SPTLC3: variants seen among roughly 807,000 people sequenced by gnomAD.
SPTLC3 encodes the protein serine palmitoyltransferase long chain base subunit 3.
A neutral mutation model predicts 59.3 loss-of-function variants in SPTLC3; 36 were observed. The ratio of observed to expected loss-of-function variants is 0.61; its 90% CI spans 0.47 to 0.80. SPTLC3 has a LOEUF of 0.80. Among genes scored for constraint, SPTLC3 ranks in the 30% least tolerant of loss-of-function variants. The pLI is 0.00. For missense variants in SPTLC3, 625 were observed against 685.1 expected (o/e 0.91, Z 0.98); for synonymous variants, 257 against 240.8 (o/e 1.07, Z -0.62).
At chr20:13,062,406 C>CTG (rs1988010262) in intron 2 of SPTLC3, among the ~76,000 whole-genome samples, 1 of 152,136 alleles carries the variant, frequency 6.6e-6, no homozygotes, top group Admixed American at 6.5e-5. Context: ...AGTGAATACT[C>CTG]AACAGAGACC....
chr20:13,093,622 G>A (rs1314831875), intron 6 of SPTLC3, 45 bp downstream of exon 6: 1 of 1,559,436 alleles, frequency 6.4e-7, no homozygotes, highest in African/African-American at 1.4e-5. Flanking sequence ...ATTGCTCCTA[G>A]AAGAAAGTAA....
rs1343486008 is a variant in SPTLC3 at position 13,049,173 on chromosome 20, C to T, written c.303+43C>T. The stretch of plus-strand genomic sequence containing the variant: ...CCTGGATCTTTGTCAATGCCTACTC[C>T]TCTCTAAAGTGTTCTCAGAAGTGGT... On this transcript the variant is annotated intron_variant, in intron 2 of 11. Transcript: ENST00000399002. 3.1e-6 allele frequency: 5 copies of T among 1,596,606 alleles called. No homozygotes were observed. In the African/African-American group the frequency reaches 5.4e-5, roughly 17 times the overall value.
chr20:13,068,491 G>A (rs1369394113), intron 2 of SPTLC3, among the ~76,000 whole-genome samples: 6 of 152,152 alleles, frequency 3.9e-5, no homozygotes, highest in Non-Finnish European at 8.8e-5. Flanking sequence ...TTTGGAAGGC[G>A]TTGGCTGCTC....
At chr20:13,088,097 G>A (rs1391595214) in intron 4 of SPTLC3, among the ~76,000 whole-genome samples, 2 of 152,256 alleles carry the variant, frequency 1.3e-5, no homozygotes, top group South Asian at 2.1e-4. Context: ...CCTTTTCACT[G>A]TCTGTTCTTG....
chr20:13,020,599 C>T (rs1239067072), intron 1 of SPTLC3, among the ~76,000 whole-genome samples: 1 of 152,088 alleles, frequency 6.6e-6, no homozygotes, highest in East Asian at 1.9e-4. Flanking sequence ...TGCTGTAAAA[C>T]TATTTTTATA....
intron 8 of SPTLC3, among the ~76,000 whole-genome samples, chr20:13,122,630 T>C (rs78451644): frequency 0.033 from 5,093 of 152,318 alleles, 162 homozygotes; most frequent in African/African-American, 0.086. Context: ...AGTACCTACC[T>C]TAAAGAGTTA....
At chr20:13,069,542 C>G (rs1004931612) in intron 2 of SPTLC3, among the ~76,000 whole-genome samples, 8 of 152,154 alleles carry the variant, frequency 5.3e-5, no homozygotes, top group African/African-American at 1.9e-4. Flanking sequence ...GATTTGCACT[C>G]CTATGAGAAT....
chr20:13,051,994 T>TC (rs1987512171), intron 2 of SPTLC3, among the ~76,000 whole-genome samples: 1 of 151,946 alleles, frequency 6.6e-6, no homozygotes, highest in Non-Finnish European at 1.5e-5. Flanking sequence ...AAATAGACAC[T>TC]GTAAGGCCAC....
chr20:13,093,719 G>C, intron 6 of SPTLC3, 142 bp downstream of exon 6: 1 of 690,726 alleles, frequency 1.4e-6, no homozygotes, highest in Non-Finnish European at 2.3e-6. Flanking sequence ...CTCCTGGCTT[G>C]TTAACCTCTG....
chr20:13,053,373 CA>C (rs1016716301), intron 2 of SPTLC3, among the ~76,000 whole-genome samples: 1 of 152,036 alleles, frequency 6.6e-6, no homozygotes, highest in African/African-American at 2.4e-5. Flanking sequence ...GACGTCCACA[CA>C]AAAACCCCAT....
rs1987886129 is a variant in SPTLC3 at position 13,059,955 on chromosome 20, A to G, written c.303+10825A>G. On this transcript the variant is annotated intron_variant, in intron 2 of 11. Transcript: ENST00000399002. ...AGATAGCCCTTGGTGCTGCCTGCCTATCACTCTGTTACTTAGGGCCTCTAG... is the reference window on the plus strand; with the variant it reads ...AGATAGCCCTTGGTGCTGCCTGCCTGTCACTCTGTTACTTAGGGCCTCTAG... Among the ~76,000 whole-genome samples, 3 of 151,982 alleles carry G rather than the reference A, an allele frequency of 2.0e-5. No individual in the cohort carries two copies. The South Asian group carries it at 6.2e-4, about 32-fold the overall frequency.
intron 1 of SPTLC3, among the ~76,000 whole-genome samples, chr20:13,037,655 A>G (rs138035073): frequency 6.6e-6 from 1 of 152,322 alleles, no homozygotes; most frequent in African/African-American, 2.4e-5. Flanking sequence ...ATCTCCTACA[A>G]CAGAACATTC....
At chr20:13,059,516 C>T (rs1987866933) in intron 2 of SPTLC3, among the ~76,000 whole-genome samples, 1 of 152,232 alleles carries the variant, frequency 6.6e-6, no homozygotes. Context: ...TGTCTATCCC[C>T]TTTCACATGC....
At chr20:13,121,373 C>A (rs146930642) in intron 8 of SPTLC3, among the ~76,000 whole-genome samples, 10 of 152,300 alleles carry the variant, frequency 6.6e-5, no homozygotes, top group African/African-American at 2.4e-4. Flanking sequence ...GAGCTCTGCC[C>A]TGCACACTAG....
At chr20:13,067,231 C>G (rs2122556008) in intron 2 of SPTLC3, among the ~76,000 whole-genome samples, 1 of 152,004 alleles carries the variant, frequency 6.6e-6, no homozygotes, top group Middle Eastern at 3.4e-3. Context: ...TTTCCCTCTT[C>G]TTCCTGTTGC....
intron 1 of SPTLC3, among the ~76,000 whole-genome samples, chr20:13,035,310 A>G (rs1986685490): frequency 6.6e-6 from 1 of 152,134 alleles, no homozygotes; most frequent in African/African-American, 2.4e-5. Flanking sequence ...CGAAAAAGTA[A>G]ATTTTACTAT....
intron 6 of SPTLC3, among the ~76,000 whole-genome samples, chr20:13,105,350 G>C (rs1351411991): frequency 6.6e-6 from 1 of 152,062 alleles, no homozygotes; most frequent in East Asian, 1.9e-4. Flanking sequence ...TCCACCAAAA[G>C]CCACTCCCAT....
At chr20:13,037,144 T>C (rs1568572773) in intron 1 of SPTLC3, among the ~76,000 whole-genome samples, 1 of 151,950 alleles carries the variant, frequency 6.6e-6, no homozygotes, top group Non-Finnish European at 1.5e-5. Flanking sequence ...AGAGACATTT[T>C]CCATTTTTTA....
At chr20:13,092,719 C>CA (rs995355847) in intron 5 of SPTLC3, among the ~76,000 whole-genome samples, 3 of 151,708 alleles carry the variant, frequency 2.0e-5, no homozygotes, top group Non-Finnish European at 2.9e-5. Context: ...GCTTTTGCCT[C>CA]AAAAAAACTC....
Sources: gnomAD v4.1 joint callset for allele counts (sites outside exome capture counted in the v4.1 genomes callset) on GRCh38, gnomAD v4.1.1 for gene constraint, MANE v1.5 for transcripts, NCBI Gene and HGNC (gene_info 2026-07-23, HGNC 2026-07-21) for gene names.